TNNT1: variants seen among roughly 807,000 people sequenced by gnomAD.
The protein encoded by TNNT1 is troponin T, slow skeletal muscle.
TNNT1 carries 53 observed loss-of-function variants against 50.6 expected under a neutral mutation model. The ratio of observed to expected loss-of-function variants is 1.05; its 90% CI spans 0.84 to 1.32. The LOEUF (loss-of-function observed/expected upper bound fraction) is 1.32, where lower values mean the gene tolerates loss of function less well. Among genes scored for constraint, TNNT1 ranks in the 40% most tolerant of loss-of-function variants. The pLI, the probability that TNNT1 is intolerant of heterozygous loss-of-function variation, is 0.00. For synonymous variants in TNNT1, 142 were observed against 138.0 expected, an observed-to-expected ratio of 1.03 and a Z score of -0.20; for missense variants, 348 against 381.7, an observed-to-expected ratio of 0.91 and a Z score of 0.74.
Position 55,146,679 on chromosome 19 carries a change from A to G in TNNT1, c.73+2T>C. The G allele has an allele frequency of 6.8e-7, 1 of 1,480,686 alleles. No individual in the cohort carries two copies. The highest frequency in any genetic ancestry group is 9.0e-7 in the Non-Finnish European group (1 of 1,110,770). 91.7% of individuals were successfully genotyped at this position (1,480,686 alleles called of 1,614,324 possible). A position where few individuals can be genotyped will look rare whatever the true frequency, so the allele number is the denominator to read the frequency against. ...CCAGACCTGCGGAGTCCGGGACCTCACCTTCCTCCTCCTCCTCCGCAGCCT... is the reference window on the plus strand; with the variant it reads ...CCAGACCTGCGGAGTCCGGGACCTCGCCTTCCTCCTCCTCCTCCGCAGCCT... On this transcript the variant is annotated splice_donor_variant, in intron 4 of 13. Transcript: ENST00000588981. LOFTEE classifies it high-confidence loss of function.
chr19:55,145,676 A>G, intron 5 of TNNT1, 111 bp from the exon 6 acceptor site: 1 of 1,163,908 alleles, frequency 8.6e-7, no homozygotes, highest in Non-Finnish European at 1.3e-6. Context: ...CCAGGACCCC[A>G]GGGAAGGACT....
rs1211034608 is a variant in TNNT1 at position 55,133,065 on chromosome 19, C to A, written c.792-105G>T. 6 of 1,057,138 alleles carry A rather than the reference C, an allele frequency of 5.7e-6. No individual in the cohort carries two copies. The African/African-American group carries it at 9.5e-5, about 17-fold the overall frequency. 65.5% of individuals were successfully genotyped at this position (1,057,138 alleles called of 1,614,324 possible). A position where few individuals can be genotyped will look rare whatever the true frequency, so the allele number is the denominator to read the frequency against. On this transcript the variant is annotated intron_variant, in intron 13 of 13. Transcript: ENST00000588981. ...GCCCATTCCCCAAAATATTAGCCCT[C>A]CCTGCCCAGAGGAAGCAGTGAGCAA...
At chr19:55,145,451 TCCATCTCTG>T (rs1243820878) in intron 6 of TNNT1, 84 bp downstream of exon 6, 3 of 1,266,802 alleles carry the variant, frequency 2.4e-6, no homozygotes, top group African/African-American at 3.0e-5. Flanking sequence ...ATTTCCTCCC[TCCATCTCTG>T]CCTTTCTCAC....
intron 6 of TNNT1, among the ~76,000 whole-genome samples, chr19:55,144,742 G>A (rs943486633): frequency 6.6e-6 from 1 of 152,240 alleles, no homozygotes; most frequent in African/African-American, 2.4e-5. Context: ...AGTGGGGAAG[G>A]CAGATGCCGG....
rs201535716 is a variant in TNNT1, at chr19:55,140,956, C to A, written c.314G>T (p.Arg105Leu). The A allele has an allele frequency of 6.2e-7, 1 of 1,613,846 alleles. No homozygotes were observed. Among genetic ancestry groups the A allele is most frequent in the African/African-American group, 1.3e-5 (1 of 74,906 alleles). The change falls in exon 9 of 14, where the codon CGG becomes CTG. Residue 105 changes from arginine (R) to leucine (L), a missense_variant. Around this residue, in one of 3 missense-constraint regions of TNNT1, gnomAD observed 253 missense variants for 291.8 expected, o/e 0.87. Transcript: ENST00000588981. ...ELVALKERIE[R>L]RRSERAEQQR... Reference sequence around the variant, plus strand: ...TTGCTCGGCTCTCTCTGACCGGCGCCGCTCCTGGGAAACGGAGAAGCATAA... The same window carrying A: ...TTGCTCGGCTCTCTCTGACCGGCGCAGCTCCTGGGAAACGGAGAAGCATAA...
At chr19:55,147,807 T>A (rs1256242695) in intron 1 of TNNT1, among the ~76,000 whole-genome samples, 1 of 145,468 alleles carries the variant, frequency 6.9e-6, no homozygotes, top group Non-Finnish European at 1.5e-5. Context: ...GCCTCCTGGG[T>A]CTGAGGGAGG....
chr19:55,147,750 C>T (rs1185175741), intron 1 of TNNT1, among the ~76,000 whole-genome samples: 12 of 119,120 alleles, frequency 1.0e-4, no homozygotes, highest in Admixed American at 1.6e-4. Flanking sequence ...GAGGAGGGGC[C>T]GCGGGCCTGG....
rs2085292702 is a variant in TNNT1, at chr19:55,133,872, G to A, written c.791+15C>T. ...GGTAGGGACAAGAGCAAGGGCTTGAGACGGTCACACTCACAACTTCTGGGC... is the reference window on the plus strand; with the variant it reads ...GGTAGGGACAAGAGCAAGGGCTTGAAACGGTCACACTCACAACTTCTGGGC... On this transcript the variant is annotated intron_variant, in intron 13 of 13. Transcript: ENST00000588981. The A allele has an allele frequency of 1.2e-6, 2 of 1,613,710 alleles. No individual in the cohort carries two copies. The highest frequency in any genetic ancestry group is 3.3e-5 in the Admixed American group (2 of 60,002).
Position 55,145,701 on chromosome 19 carries a change from T to A in TNNT1, c.107-136A>T, listed in dbSNP as rs78156871. ...AGGGAAGGACTCTGGAGTCCAGTTC[T>A]GGAGGAGGGGGGATGGGGAGAAGAA... On this transcript the variant is annotated intron_variant, in intron 5 of 13. Coordinates refer to ENST00000588981, the MANE Select transcript of TNNT1 (RefSeq NM_003283.6). The A allele has an allele frequency of 0.078, 65,018 of 830,530 alleles. 3,060 individuals are homozygous for A. The highest frequency in any genetic ancestry group is 0.097 in the Non-Finnish European group (48,754 of 500,422). 51.4% of individuals were successfully genotyped at this position (830,530 alleles called of 1,614,324 possible). A position where few individuals can be genotyped will look rare whatever the true frequency, so the allele number is the denominator to read the frequency against.
chr19:55,135,112 C>G (rs1348550718), intron 11 of TNNT1, among the ~76,000 whole-genome samples: 2 of 152,236 alleles, frequency 1.3e-5, no homozygotes, highest in Non-Finnish European at 2.9e-5. Context: ...CTACTTTGCC[C>G]AATCTCCCTT....
chr19:55,139,078 C>T (rs1162824364), intron 9 of TNNT1, among the ~76,000 whole-genome samples: 1 of 152,054 alleles, frequency 6.6e-6, no homozygotes, highest in Admixed American at 6.5e-5. Context: ...CTGTTCACTG[C>T]AACCCCCACC....
intron 9 of TNNT1, among the ~76,000 whole-genome samples, chr19:55,139,354 G>A (rs2085410615): frequency 6.6e-6 from 1 of 152,158 alleles, no homozygotes; most frequent in Non-Finnish European, 1.5e-5. Flanking sequence ...AAACAATGCA[G>A]ATTTGTTATC....
intron 6 of TNNT1, among the ~76,000 whole-genome samples, chr19:55,144,770 A>C (rs775648090): frequency 2.0e-5 from 3 of 152,254 alleles, no homozygotes; most frequent in African/African-American, 7.2e-5. Flanking sequence ...CGCTGGAGCC[A>C]GATGGGGAAG....
chr19:55,145,267 G>A, intron 6 of TNNT1: 2 of 492,930 alleles, frequency 4.1e-6, no homozygotes, highest in South Asian at 5.2e-5. Context: ...CTGCACTCTA[G>A]CCTGGGTAAC....
Position 55,147,036 on chromosome 19 carries a change from G to C in TNNT1, c.33-15C>G, listed in dbSNP as rs992633695. On this transcript the variant is annotated splice_polypyrimidine_tract_variant and intron_variant, in intron 2 of 13. Transcript: ENST00000588981. ...CCGGCTGCTCCCTGCGGACGGGTGT[G>C]GGGAGAGAGGAGGGAGGGGAGAGTT... The C allele has an allele frequency of 1.9e-6, 3 of 1,612,480 alleles. No homozygotes were observed. The highest frequency in any genetic ancestry group is 2.5e-6 in the Non-Finnish European group (3 of 1,179,566).
chr19:55,141,448 T>A, intron 7 of TNNT1, 146 bp from the exon 8 acceptor site: 1 of 700,658 alleles, frequency 1.4e-6, no homozygotes, highest in South Asian at 1.5e-5. Flanking sequence ...TTGACACTAA[T>A]CAGCTCTTCC....
intron 13 of TNNT1, 141 bp downstream of exon 13, chr19:55,133,743 AGAG>A (rs2085290155): frequency 5.6e-6 from 5 of 888,926 alleles, no homozygotes; most frequent in South Asian, 4.0e-5. Context: ...GAGAGCAGAG[AGAG>A]GAGGACAGAG....
chr19:55,137,885 G>A (rs1276809258), intron 10 of TNNT1, 76 bp downstream of exon 10: 15 of 1,553,518 alleles, frequency 9.7e-6, no homozygotes, highest in Admixed American at 3.4e-5. Flanking sequence ...CCCCTCCTCC[G>A]TTAGGAACCA....
chr19:55,147,023 T>A lies in TNNT1; in HGVS notation c.33-2A>T, dbSNP rs1221472304. On this transcript the variant is annotated splice_acceptor_variant, in intron 2 of 13. Transcript: ENST00000588981. LOFTEE classifies it high-confidence loss of function. Reference sequence around the variant, plus strand: ...CCCTACTCACCTTCCGGCTGCTCCCTGCGGACGGGTGTGGGGAGAGAGGAG... The same window carrying A: ...CCCTACTCACCTTCCGGCTGCTCCCAGCGGACGGGTGTGGGGAGAGAGGAG... 13 of 1,611,632 alleles carry A rather than the reference T, an allele frequency of 8.1e-6. No individual in the cohort carries two copies. The highest frequency in any genetic ancestry group is 1.1e-5 in the Non-Finnish European group (13 of 1,179,182).
Sources: gnomAD v4.1 joint callset for allele counts (sites outside exome capture counted in the v4.1 genomes callset) on GRCh38, gnomAD v4.1.1 for gene constraint, gnomAD v4.1.1 regional missense constraint, MANE v1.5 for transcripts, NCBI Gene and HGNC (gene_info 2026-07-23, HGNC 2026-07-21) for gene names.